The following TFEC variants were observed in gnomAD, a reference collection of about 807,000 sequenced individuals.
TFEC encodes the protein transcription factor EC, also known as class E basic helix-loop-helix protein 34.
A neutral mutation model predicts 41.6 loss-of-function variants in TFEC; 31 were observed. The ratio of observed to expected loss-of-function variants is 0.74; its 90% confidence interval spans 0.56 to 1.01. The LOEUF is 1.01. Ranked by LOEUF, TFEC falls within the 50% of genes least tolerant of loss-of-function variation. The probability of loss-of-function intolerance (pLI) is 0.00; values close to 1 mark genes in which losing one functional copy is unlikely to be tolerated. For synonymous variants in TFEC, 143 were observed against 140.6 expected (o/e 1.02, Z -0.12); for missense variants, 402 against 404.1 (o/e 0.99, Z 0.04).
At position 115,987,706 on chromosome 7, in the gene TFEC, G is replaced by A. The variant is rs899594477; in HGVS notation, c.-72-3193C>T. 2.6e-5 allele frequency among the ~76,000 whole-genome samples: 4 copies of A among 151,986 alleles called. No individual in the cohort carries two copies. In the East Asian group the frequency reaches 7.7e-4, roughly 29 times the overall value. On this transcript the variant is annotated intron_variant, in intron 1 of 7. Transcript: ENST00000265440. The stretch of plus-strand genomic sequence containing the variant: ...TCAACTGCTATGCTTCTTGTACATA[G>A]CCCAGAGAATGACAGACAGCAGGCA...
At chr7:116,052,419 A>C (rs1796332292) in intron 3 of TFEC, among the ~76,000 whole-genome samples, 1 of 152,002 alleles carries the variant, frequency 6.6e-6, no homozygotes, top group Non-Finnish European at 1.5e-5. Context: ...AATACATTTA[A>C]GTTGTTTGGT....
At chr7:116,139,773 A>G (rs1385370280) in intron 1 of TFEC, among the ~76,000 whole-genome samples, 2 of 152,200 alleles carry the variant, frequency 1.3e-5, no homozygotes, top group Non-Finnish European at 2.9e-5. Flanking sequence ...GGGAGAATTG[A>G]GAGAAAGAAG....
intron 3 of TFEC, among the ~76,000 whole-genome samples, chr7:116,056,102 A>T (rs1796423532): frequency 6.6e-6 from 1 of 152,116 alleles, no homozygotes; most frequent in South Asian, 2.1e-4. Context: ...AACAACCATA[A>T]AACAGACAAA....
intron 3 of TFEC, among the ~76,000 whole-genome samples, chr7:116,108,926 T>C (rs371240295): frequency 1.4e-5 from 2 of 144,002 alleles, no homozygotes; most frequent in Non-Finnish European, 3.2e-5. Context: ...GAATTCTAAC[T>C]TTAAAAAACA....
chr7:115,954,397 T>C (rs920159673), intron 5 of TFEC, among the ~76,000 whole-genome samples, 189 bp downstream of exon 5: 1 of 152,040 alleles, frequency 6.6e-6, no homozygotes, highest in Non-Finnish European at 1.5e-5. Flanking sequence ...GATGTTTCAT[T>C]TTGTGAAAAT....
chr7:116,150,514 A>T (rs978780756), intron 1 of TFEC, among the ~76,000 whole-genome samples: 3 of 151,702 alleles, frequency 2.0e-5, no homozygotes, highest in African/African-American at 7.3e-5. Context: ...CAATGGCATT[A>T]AAAAAAATAA....
chr7:116,104,753 CA>C (rs761114978), intron 3 of TFEC, among the ~76,000 whole-genome samples: 1,728 of 106,284 alleles, frequency 0.016, 23 homozygotes, highest in African/African-American at 0.049. Flanking sequence ...CTGTATTTCA[CA>C]AAAAAAAAAA....
intron 1 of TFEC, among the ~76,000 whole-genome samples, chr7:116,113,477 C>A (rs1797902852): frequency 6.6e-6 from 1 of 151,960 alleles, no homozygotes; most frequent in Non-Finnish European, 1.5e-5. Flanking sequence ...GAATTCTGGC[C>A]TCCAGAACTG....
At chr7:116,080,977 G>GTGTATGTATGTA (rs775697395) in intron 3 of TFEC, among the ~76,000 whole-genome samples, 3 of 33,016 alleles carry the variant, frequency 9.1e-5, no homozygotes, top group African/African-American at 4.6e-4. Flanking sequence ...AGAAAATGTA[G>GTGTATGTATGTA]TGTGTGTGTG....
At chr7:116,130,585 C>T (rs1798312812) in intron 1 of TFEC, among the ~76,000 whole-genome samples, 1 of 152,074 alleles carries the variant, frequency 6.6e-6, no homozygotes, top group South Asian at 2.1e-4. Flanking sequence ...GTCTTCAGTC[C>T]TGCTGTCTTT....
At chr7:116,020,517 G>A (rs907535711) in intron 1 of TFEC, among the ~76,000 whole-genome samples, 1 of 152,130 alleles carries the variant, frequency 6.6e-6, no homozygotes, top group African/African-American at 2.4e-5. Flanking sequence ...ATTCGATTTA[G>A]TTCTCTCTTT....
chr7:116,139,608 G>A (rs1314542802), intron 1 of TFEC, among the ~76,000 whole-genome samples: 1 of 152,180 alleles, frequency 6.6e-6, no homozygotes, highest in Non-Finnish European at 1.5e-5. Context: ...GGTTAGGAAA[G>A]TAAACCAAAT....
intron 1 of TFEC, among the ~76,000 whole-genome samples, chr7:116,119,919 A>C (rs1174827109): frequency 6.6e-6 from 1 of 151,772 alleles, no homozygotes; most frequent in Admixed American, 6.6e-5. Flanking sequence ...GTCATGGTTC[A>C]GAATAGTTAA....
intron 3 of TFEC, among the ~76,000 whole-genome samples, chr7:116,082,109 T>C (rs1797105051): frequency 6.6e-6 from 1 of 152,070 alleles, no homozygotes; most frequent in South Asian, 2.1e-4. Flanking sequence ...TTTATTCATC[T>C]TTGAATTTCC....
chr7:116,076,228 A>G (rs1297235138), intron 3 of TFEC, among the ~76,000 whole-genome samples: 1 of 152,186 alleles, frequency 6.6e-6, no homozygotes, highest in Non-Finnish European at 1.5e-5. Context: ...AAGCAGGAGA[A>G]CACCACATCA....
chr7:115,950,015 CTT>C (rs10684805), intron 6 of TFEC, among the ~76,000 whole-genome samples: 7 of 141,914 alleles, frequency 4.9e-5, no homozygotes, highest in African/African-American at 7.8e-5. Context: ...CATGTTTTCA[CTT>C]TTTTTTTTTT....
Position 115,940,910 on chromosome 7 carries a change from T to G in TFEC, c.685A>C (p.Thr229Pro). Residue 229 changes from threonine (T) to proline (P), a missense_variant, in exon 8 of 8, where the codon ACT becomes CCT. Transcript: ENST00000265440. ...RIQELEIQAR[T>P]HGLPTLASLG... ...GAAGCCAGGGTTGGCAGACCATGAGTACGAGCCTGAATTTCTAGTTCCTGT... is the reference window on the plus strand; with the variant it reads ...GAAGCCAGGGTTGGCAGACCATGAGGACGAGCCTGAATTTCTAGTTCCTGT... 1 of 1,582,538 alleles carries G rather than the reference T, an allele frequency of 6.3e-7. No individual in the cohort carries two copies. Among genetic ancestry groups the G allele is most frequent in the Non-Finnish European group, 8.6e-7 (1 of 1,162,008 alleles).
At chr7:116,110,804 T>C in exon 3 of TFEC, 2 of 1,548,404 alleles carry the variant, frequency 1.3e-6, no homozygotes, top group Non-Finnish European at 1.7e-6. Context: ...TGTGGAACTC[T>C]GTTCTATGGG....
At chr7:116,019,052 C>A (rs1046091120) in intron 1 of TFEC, among the ~76,000 whole-genome samples, 2 of 151,674 alleles carry the variant, frequency 1.3e-5, no homozygotes, top group African/African-American at 2.4e-5. Flanking sequence ...AATGGGCAGG[C>A]CAAAGAGTGA....
Sources: allele counts gnomAD v4.1 joint callset (sites outside exome capture counted in the v4.1 genomes callset), GRCh38; gene constraint gnomAD v4.1.1; transcripts MANE v1.5; gene names NCBI Gene and HGNC (gene_info 2026-07-23, HGNC 2026-07-21).